TENM3: variants seen among roughly 807,000 people sequenced by gnomAD.
TENM3 encodes the protein teneurin-3.
A neutral mutation model predicts 255.1 loss-of-function variants in TENM3; 63 were observed. That is an observed-to-expected ratio of 0.25 (90% CI 0.20 to 0.30). The LOEUF (loss-of-function observed/expected upper bound fraction) is 0.30, where lower values mean the gene tolerates loss of function less well. Among genes scored for constraint, TENM3 ranks in the 10% least tolerant of loss-of-function variants. TENM3 has a pLI of 1.00. For missense variants in TENM3, 2,929 were observed against 3,461.1 expected, an observed-to-expected ratio of 0.85 and a Z score of 3.86; for synonymous variants, 1,306 against 1,322.3, an observed-to-expected ratio of 0.99 and a Z score of 0.27.
chr4:181,990,779 A>T, the TENM3 span, among the ~76,000 whole-genome samples: 1 of 152,156 alleles, frequency 6.6e-6, no homozygotes, highest in African/African-American at 2.4e-5. Flanking sequence ...ATAATAATCA[A>T]CACTAATATT....
intron 7 of TENM3, among the ~76,000 whole-genome samples, chr4:182,675,156 G>A (rs955496596): frequency 4.6e-5 from 7 of 151,616 alleles, no homozygotes; most frequent in East Asian, 2.0e-4. Context: ...GATTACAGGC[G>A]TGAGCCACCG....
the TENM3 span, among the ~76,000 whole-genome samples, chr4:181,768,333 C>G: frequency 6.6e-6 from 1 of 152,118 alleles, no homozygotes; most frequent in Non-Finnish European, 1.5e-5. Flanking sequence ...CTAAAATTCA[C>G]CGGACAGCTC....
chr4:181,716,038 GA>G, the TENM3 span, among the ~76,000 whole-genome samples: 1 of 152,130 alleles, frequency 6.6e-6, no homozygotes, highest in Non-Finnish European at 1.5e-5. Flanking sequence ...TAAACTTGAA[GA>G]AATTATACTA....
chr4:182,520,680 C>T (rs1433196157), intron 3 of TENM3, among the ~76,000 whole-genome samples: 2 of 152,036 alleles, frequency 1.3e-5, no homozygotes, highest in East Asian at 3.9e-4. Context: ...AACTTTTTTC[C>T]CTAGAAGTAA....
At chr4:181,561,846 T>TA in the TENM3 span, among the ~76,000 whole-genome samples, 2 of 152,238 alleles carry the variant, frequency 1.3e-5, no homozygotes, top group Non-Finnish European at 2.9e-5. Context: ...ACAACACTGT[T>TA]ATGCCTTTTG....
At chr4:181,521,291 C>T in the TENM3 span, among the ~76,000 whole-genome samples, 105 of 152,316 alleles carry the variant, frequency 6.9e-4, 1 homozygote, top group African/African-American at 2.4e-3. Context: ...TGAGGTTCCT[C>T]GCTCTTTGTT....
At chr4:181,512,169 C>G in the TENM3 span, among the ~76,000 whole-genome samples, 164 of 152,268 alleles carry the variant, frequency 1.1e-3, no homozygotes, top group African/African-American at 3.7e-3. Flanking sequence ...GCCACCCATT[C>G]AGGTCTATGC....
At chr4:182,310,646 C>G (rs1343125444) in intron 1 of TENM3, among the ~76,000 whole-genome samples, 3 of 150,866 alleles carry the variant, frequency 2.0e-5, no homozygotes, top group African/African-American at 7.3e-5. Flanking sequence ...ACCCCAACCC[C>G]TTTGTCTCCA....
At chr4:182,568,910 G>A (rs1218526593) in intron 3 of TENM3, among the ~76,000 whole-genome samples, 1 of 152,206 alleles carries the variant, frequency 6.6e-6, no homozygotes, top group African/African-American at 2.4e-5. Context: ...CCAGTTACTT[G>A]AATACATAAA....
the TENM3 span, among the ~76,000 whole-genome samples, chr4:181,791,753 C>A: frequency 6.6e-6 from 1 of 152,134 alleles, no homozygotes; most frequent in Non-Finnish European, 1.5e-5. Flanking sequence ...GCACTGGAGA[C>A]CCTTATTATA....
chr4:182,000,975 C>T, the TENM3 span, among the ~76,000 whole-genome samples: 1 of 146,284 alleles, frequency 6.8e-6, no homozygotes, highest in East Asian at 2.0e-4. Context: ...AAGCCCTGGC[C>T]GAAGCAGAGA....
chr4:181,950,034 T>G, the TENM3 span, among the ~76,000 whole-genome samples: 2 of 152,284 alleles, frequency 1.3e-5, no homozygotes, highest in East Asian at 3.9e-4. Context: ...CTTGCACGTA[T>G]ATACGCAGAT....
At chr4:181,577,085 TATATA>T in the TENM3 span, among the ~76,000 whole-genome samples, 2 of 120,744 alleles carry the variant, frequency 1.7e-5, no homozygotes, top group Admixed American at 1.9e-4. Context: ...TAATATATAA[TATATA>T]ATATATATTT....
the TENM3 span, among the ~76,000 whole-genome samples, chr4:182,120,833 T>G: frequency 6.6e-6 from 1 of 151,946 alleles, no homozygotes; most frequent in Non-Finnish European, 1.5e-5. Context: ...GTTATAAAAA[T>G]GGAGGAAGGT....
At chr4:182,421,219 A>G (rs1770811739) in intron 3 of TENM3, among the ~76,000 whole-genome samples, 1 of 152,128 alleles carries the variant, frequency 6.6e-6, no homozygotes, top group South Asian at 2.1e-4. Context: ...CACCCTCGTC[A>G]TCACCCTTTA....
the TENM3 span, among the ~76,000 whole-genome samples, chr4:181,654,011 C>A: frequency 6.6e-6 from 1 of 151,908 alleles, no homozygotes; most frequent in Non-Finnish European, 1.5e-5. Context: ...GCCAGTCAGG[C>A]TGGCAAACTG....
chr4:181,887,569 G>T, the TENM3 span, among the ~76,000 whole-genome samples: 2 of 151,948 alleles, frequency 1.3e-5, no homozygotes, highest in South Asian at 4.1e-4. Flanking sequence ...TTTATATTCT[G>T]GCTGCAACCA....
upstream of TENM3, chr4:182,143,629 A>G (rs532890938): frequency 4.8e-5 from 8 of 166,438 alleles, 1 homozygote; most frequent in East Asian, 7.7e-4. The surrounding 1 kb of genome is among the most constrained non-coding windows in gnomAD (Gnocchi z 4.3). Flanking sequence ...AGTCCAAAGC[A>G]ATTACCCGCC....
At chr4:182,324,792 G>A (rs1763286685) in intron 2 of TENM3, among the ~76,000 whole-genome samples, 1 of 152,136 alleles carries the variant, frequency 6.6e-6, no homozygotes, top group Non-Finnish European at 1.5e-5. Context: ...TTTCTCCCAG[G>A]CAACCTAGTA....
Sources: allele counts gnomAD v4.1 joint callset (sites outside exome capture counted in the v4.1 genomes callset), GRCh38; gene constraint gnomAD v4.1.1; non-coding constraint Gnocchi (gnomAD v3.1); transcripts MANE v1.5; gene names NCBI Gene and HGNC (gene_info 2026-07-23, HGNC 2026-07-21).